MPPED1: variants seen among roughly 807,000 people sequenced by gnomAD.
MPPED1 encodes the protein metallophosphoesterase domain containing 1.
Under a neutral mutation model 36.2 loss-of-function variants are expected in MPPED1, and 16 were observed. That is an observed-to-expected ratio of 0.44 (90% confidence interval 0.30 to 0.67). The LOEUF (loss-of-function observed/expected upper bound fraction) is 0.67, where lower values mean the gene tolerates loss of function less well. Ranked by LOEUF, MPPED1 falls within the 30% of genes least tolerant of loss-of-function variation. The probability of loss-of-function intolerance (pLI) is 0.10; values close to 1 mark genes in which losing one functional copy is unlikely to be tolerated. For missense variants in MPPED1, 307 were observed against 453.4 expected (o/e 0.68, Z 2.93); for synonymous variants, 199 against 191.3 (o/e 1.04, Z -0.33).
chr22:43,455,627 C>T (rs918279125), intron 3 of MPPED1, among the ~76,000 whole-genome samples: 14 of 152,080 alleles, frequency 9.2e-5, no homozygotes, highest in Admixed American at 3.3e-4. Context: ...TTTCTGTTTC[C>T]GACATACTTT....
chr22:43,429,741 A>G (rs1046926160), intron 2 of MPPED1, among the ~76,000 whole-genome samples: 3 of 152,134 alleles, frequency 2.0e-5, no homozygotes, highest in Admixed American at 6.5e-5. Flanking sequence ...GAAAGAGAAG[A>G]GAGTGAGAAC....
intron 4 of MPPED1, among the ~76,000 whole-genome samples, chr22:43,478,429 C>T (rs1004458704): frequency 1.2e-4 from 19 of 152,108 alleles, no homozygotes; most frequent in East Asian, 1.9e-4. Context: ...TTTACGTTCT[C>T]GTGGGAGACA....
chr22:43,494,407 G>A (rs1932192072), intron 4 of MPPED1, among the ~76,000 whole-genome samples: 1 of 152,052 alleles, frequency 6.6e-6, no homozygotes, highest in Non-Finnish European at 1.5e-5. Context: ...ACACTGTTGT[G>A]GTTTCTGATG....
chr22:43,428,033 A>G (rs1929541881), intron 2 of MPPED1, among the ~76,000 whole-genome samples: 1 of 152,178 alleles, frequency 6.6e-6, no homozygotes, highest in African/African-American at 2.4e-5. Context: ...CATTGGTAGC[A>G]CATGCCAGGC....
Position 43,507,208 on chromosome 22 carries a change from C to T in MPPED1, c.*1592C>T, listed in dbSNP as rs915834326. On this transcript the variant is annotated 3_prime_UTR_variant, in exon 7 of 7. Transcript: ENST00000443721. ...CCTCACTGCCCTCACTTTGCCATGA[C>T]CCGAAGTTATGTCCCTACAAAGCAA... The T allele has an allele frequency of 1.2e-4, 19 of 152,244 alleles. No individual in the cohort carries two copies. The highest frequency in any genetic ancestry group is 4.3e-4 in the African/African-American group (18 of 41,462). 9.4% of individuals were successfully genotyped at this position (152,244 alleles called of 1,614,324 possible). A position where few individuals can be genotyped will look rare whatever the true frequency, so the allele number is the denominator to read the frequency against.
At position 43,413,814 on chromosome 22, in the gene MPPED1, A is replaced by C. The variant is rs533882168; in HGVS notation, c.-79+1656A>C. On this transcript the variant is annotated intron_variant, in intron 1 of 6. Transcript: ENST00000443721. ...CATTAATTGGGCGATGGCTAGTCAA[A>C]AGGCGATAATCCAGTCACGGAGGCT... is the stretch of plus-strand genomic sequence containing the variant. 2.0e-5 allele frequency among the ~76,000 whole-genome samples: 3 copies of C among 152,330 alleles called. No individual in the cohort carries two copies. The South Asian group carries it at 6.2e-4, about 32-fold the overall frequency.
intron 3 of MPPED1, among the ~76,000 whole-genome samples, chr22:43,447,885 T>TATATATATA (rs1601966891): frequency 0.041 from 1,002 of 24,738 alleles, 7 homozygotes; most frequent in Non-Finnish European, 0.07. Flanking sequence ...ATATATATAT[T>TATATATATA]TTTTTTTTTT....
chr22:43,415,162 C>T (rs922433675), intron 1 of MPPED1, among the ~76,000 whole-genome samples: 1 of 146,000 alleles, frequency 6.8e-6, no homozygotes, highest in South Asian at 2.3e-4. Flanking sequence ...AGTGAGCATC[C>T]CTTCCAGACT....
rs1274178981 is a variant in MPPED1 at position 43,463,806 on chromosome 22, C to CTTTTCTTTCTTTCTTT, written c.407-10929_407-10914dup. On this transcript the variant is annotated intron_variant, in intron 3 of 6. Coordinates refer to ENST00000443721, the MANE Select transcript of MPPED1 (RefSeq NM_001044370.2). ...CACTGTGGTTGATTTTTCATTTTTT[C>CTTTTCTTTCTTTCTTT]TTTTCTTTCTTTCTTTCTTTCTTTC... Among the ~76,000 whole-genome samples, 67 of 121,660 alleles carry CTTTTCTTTCTTTCTTT rather than the reference C, an allele frequency of 5.5e-4. 1 individual carries two copies. Among genetic ancestry groups the CTTTTCTTTCTTTCTTT allele is most frequent in the Middle Eastern group, 4.9e-3 (1 of 206 alleles). The allele number at this position is 121,660 out of a possible 152,430, so 79.8% of individuals were successfully genotyped here. A position where few individuals can be genotyped will look rare whatever the true frequency, so the allele number is the denominator to read the frequency against.
intron 3 of MPPED1, among the ~76,000 whole-genome samples, chr22:43,450,155 G>A (rs1036390686): frequency 6.6e-6 from 1 of 152,246 alleles, no homozygotes; most frequent in Non-Finnish European, 1.5e-5. Flanking sequence ...GGCTTCTGGA[G>A]CCTTCCCCAT....
chr22:43,447,592 G>A (rs1354149060), intron 3 of MPPED1, among the ~76,000 whole-genome samples: 1 of 151,774 alleles, frequency 6.6e-6, no homozygotes, highest in Non-Finnish European at 1.5e-5. Flanking sequence ...CTTAGAGAGA[G>A]TGGAAACCAG....
At chr22:43,503,650 T>A (rs1442505035) in intron 6 of MPPED1, among the ~76,000 whole-genome samples, 1 of 151,918 alleles carries the variant, frequency 6.6e-6, no homozygotes, top group Non-Finnish European at 1.5e-5. Context: ...GGCCCTGGAG[T>A]AGCTCCTGGA....
At chr22:43,441,288 C>T (rs114122245) in intron 3 of MPPED1, among the ~76,000 whole-genome samples, 4,122 of 152,262 alleles carry the variant, frequency 0.027, 180 homozygotes, top group African/African-American at 0.094. Flanking sequence ...TTGAGGCTGA[C>T]GTCTGCAATC....
chr22:43,433,228 C>G (rs1172457756), intron 2 of MPPED1, among the ~76,000 whole-genome samples: 1 of 152,072 alleles, frequency 6.6e-6, no homozygotes, highest in Non-Finnish European at 1.5e-5. Flanking sequence ...CCAGAAGACC[C>G]CAGGCCAGGT....
intron 3 of MPPED1, among the ~76,000 whole-genome samples, chr22:43,453,764 C>T (rs1930656900): frequency 6.6e-6 from 1 of 152,100 alleles, no homozygotes; most frequent in Admixed American, 6.6e-5. Flanking sequence ...GATCCAGGCT[C>T]CCCAGATTAT....
At position 43,496,047 on chromosome 22, in the gene MPPED1, AGGT is replaced by A. The variant is rs1387877366; in HGVS notation, c.633-2183_633-2181del. Among the ~76,000 whole-genome samples, 160 of 21,558 alleles carry A rather than the reference AGGT, an allele frequency of 7.4e-3. 1 individual carries two copies. Among genetic ancestry groups the A allele is most frequent in the Middle Eastern group, 0.042 (1 of 24 alleles). The allele number at this position is 21,558 out of a possible 152,430, so 14.1% of individuals were successfully genotyped here. ...GTGATGGTGGAGGTGGTGGTGGTGG[AGGT>A]GGTGATGGTGGAGGTGGTGGTGGAG... On this transcript the variant is annotated intron_variant, in intron 4 of 6. Transcript: ENST00000443721.
chr22:43,505,796 C>T lies in MPPED1; in HGVS notation c.*180C>T, dbSNP rs1043826338. 6.7e-5 allele frequency: 39 copies of T among 584,474 alleles called. No individual in the cohort carries two copies. Among genetic ancestry groups the T allele is most frequent in the African/African-American group, 5.2e-4 (28 of 53,514 alleles). The allele number at this position is 584,474 out of a possible 1,614,324, so 36.2% of individuals were successfully genotyped here. A position where few individuals can be genotyped will look rare whatever the true frequency, so the allele number is the denominator to read the frequency against. On this transcript the variant is annotated 3_prime_UTR_variant, in exon 7 of 7. Transcript: ENST00000443721. ...TCTGTCACCTGGAGTTGGGACCCTG[C>T]GCATCCCCATCAGGGGTTCTGTGCT...
chr22:43,436,248 C>T (rs555756112), intron 3 of MPPED1, among the ~76,000 whole-genome samples: 1 of 152,354 alleles, frequency 6.6e-6, no homozygotes, highest in Admixed American at 6.5e-5. Context: ...CAGCCCAGCA[C>T]CCAGGCCTGC....
At chr22:43,440,615 G>T (rs1461046022) in intron 3 of MPPED1, among the ~76,000 whole-genome samples, 4 of 152,178 alleles carry the variant, frequency 2.6e-5, no homozygotes, top group Non-Finnish European at 1.5e-5. Flanking sequence ...TTTGCAAGAT[G>T]CCAGAAAGTT....
Sources: allele counts gnomAD v4.1 joint callset (sites outside exome capture counted in the v4.1 genomes callset), GRCh38; gene constraint gnomAD v4.1.1; transcripts MANE v1.5; gene names NCBI Gene and HGNC (gene_info 2026-07-23, HGNC 2026-07-21).